The following GRIN3A variants were observed in gnomAD, a reference collection of about 807,000 sequenced individuals.
GRIN3A encodes glutamate ionotropic receptor NMDA type subunit 3A, also known as glutamate receptor ionotropic, NMDA 3A.
GRIN3A carries 47 observed loss-of-function variants against 92.4 expected under a neutral mutation model. That is an observed-to-expected ratio of 0.51 (90% CI 0.40 to 0.65). The LOEUF (loss-of-function observed/expected upper bound fraction) is 0.65. Ranked by LOEUF, GRIN3A falls within the 30% of genes least tolerant of loss-of-function variation. The pLI is 0.00. For missense variants in GRIN3A, 1,324 were observed against 1,393.1 expected, an observed-to-expected ratio of 0.95 and a Z score of 0.79; for synonymous variants, 527 against 540.6, an observed-to-expected ratio of 0.97 and a Z score of 0.35.
rs138060059 is a variant in GRIN3A at position 101,595,174 on chromosome 9, GGGA to G, written c.2767-15817_2767-15815del. 3.2e-3 allele frequency among the ~76,000 whole-genome samples: 482 copies of G among 152,170 alleles called. 1 individual carries two copies. The highest frequency in any genetic ancestry group is 0.011 in the African/African-American group (447 of 41,520). ...TGGGTGCTGTCTGGGCAGGAGTATA[GGGA>G]GGAGAGAATGGAGCCTGGGGGTGCC... On this transcript the variant is annotated intron_variant, in intron 6 of 8. Transcript: ENST00000361820.
chr9:101,581,001 G>A (rs950771349), intron 6 of GRIN3A, among the ~76,000 whole-genome samples: 1 of 152,198 alleles, frequency 6.6e-6, no homozygotes, highest in Non-Finnish European at 1.5e-5. Flanking sequence ...TCAATGACAA[G>A]AGTCAATCCC....
chr9:101,579,835 A>G (rs955559610), intron 6 of GRIN3A, among the ~76,000 whole-genome samples: 3 of 152,172 alleles, frequency 2.0e-5, no homozygotes, highest in African/African-American at 7.2e-5. Flanking sequence ...ATCTAAGGCC[A>G]TAACCAGATT....
At chr9:101,589,704 A>G (rs1192877086) in intron 6 of GRIN3A, among the ~76,000 whole-genome samples, 2 of 152,166 alleles carry the variant, frequency 1.3e-5, no homozygotes, top group Non-Finnish European at 2.9e-5. Flanking sequence ...ATATTTTATT[A>G]TATAAAAGTT....
intron 3 of GRIN3A, among the ~76,000 whole-genome samples, chr9:101,663,109 G>A (rs1038759952): frequency 1.3e-5 from 2 of 151,542 alleles, no homozygotes; most frequent in South Asian, 2.1e-4. Flanking sequence ...GTCTAGCCTC[G>A]GGGATTCTGC....
chr9:101,662,145 C>T (rs1400451463), intron 3 of GRIN3A, among the ~76,000 whole-genome samples: 2 of 151,714 alleles, frequency 1.3e-5, no homozygotes, highest in African/African-American at 4.8e-5. Context: ...AAAGAAAATA[C>T]AAAGTCAGGA....
chr9:101,642,820 TC>T (rs1447097079), intron 3 of GRIN3A, among the ~76,000 whole-genome samples: 2 of 152,100 alleles, frequency 1.3e-5, no homozygotes, highest in Non-Finnish European at 2.9e-5. Context: ...AGCATTAGAT[TC>T]TTATGAGAAT....
rs373177321 is a variant in GRIN3A at position 101,572,905 on chromosome 9, G to T, written c.*269C>A. 2.7e-4 allele frequency: 126 copies of T among 465,124 alleles called. No homozygotes were observed. The Middle Eastern group carries it at 5.9e-3, about 22-fold the overall frequency. The allele number at this position is 465,124 out of a possible 1,614,324, so 28.8% of individuals were successfully genotyped here. ...TGGTGAAAAGGTTAACGGCAGCTGG[G>T]GTTATCTGGTTATTCACAGATCTCT... On this transcript the variant is annotated 3_prime_UTR_variant, in exon 9 of 9. Coordinates refer to ENST00000361820, the MANE Select transcript of GRIN3A (RefSeq NM_133445.3).
intron 2 of GRIN3A, among the ~76,000 whole-genome samples, chr9:101,677,949 G>A (rs1829420660): frequency 6.6e-6 from 1 of 152,080 alleles, no homozygotes; most frequent in Non-Finnish European, 1.5e-5. Flanking sequence ...GGCCCTCAAA[G>A]GCATGGGTTT....
Position 101,670,539 on chromosome 9 carries a change from C to A in GRIN3A, c.1873G>T (p.Ala625Ser), listed in dbSNP as rs770119518. The A allele has an allele frequency of 6.2e-7, 1 of 1,614,034 alleles. No homozygotes were observed. Among genetic ancestry groups the A allele is most frequent in the Non-Finnish European group, 8.5e-7 (1 of 1,179,946 alleles). Residue 625 changes from alanine (A) to serine (S), a missense_variant, in exon 3 of 9, where the codon GCC becomes TCC. Ala to Ser is a moderately conservative substitution (Grantham distance 99). Coordinates refer to ENST00000361820, the MANE Select transcript of GRIN3A (RefSeq NM_133445.3). ...CTAAAGGAAGTGACTGCCATGTGGG[C>A]AGTCCCTCTCAGGAGATCACCCACT... ...GLVGDLLRGT[A>S]HMAVTSFSIN...
At chr9:101,708,531 G>C (rs986739515) in intron 1 of GRIN3A, among the ~76,000 whole-genome samples, 2 of 152,104 alleles carry the variant, frequency 1.3e-5, no homozygotes, top group African/African-American at 4.8e-5. Context: ...TGAGATCAAG[G>C]TCATAGATAT....
chr9:101,738,050 G>T lies in GRIN3A; in HGVS notation c.-71C>A. On this transcript the variant is annotated 5_prime_UTR_variant, in exon 1 of 9. Coordinates refer to ENST00000361820, the MANE Select transcript of GRIN3A (RefSeq NM_133445.3). ...TCGCCCCTCTGCAGCCGCTGCCTGAGGTCTCCGCCTCCAGGTCCCGCGCGC... is the reference window on the plus strand; with the variant it reads ...TCGCCCCTCTGCAGCCGCTGCCTGATGTCTCCGCCTCCAGGTCCCGCGCGC... 1 of 1,314,812 alleles carries T rather than the reference G, an allele frequency of 7.6e-7. No individual in the cohort carries two copies. Among genetic ancestry groups the T allele is most frequent in the Non-Finnish European group, 1.1e-6 (1 of 947,282 alleles). 81.4% of individuals were successfully genotyped at this position (1,314,812 alleles called of 1,614,324 possible).
intron 3 of GRIN3A, among the ~76,000 whole-genome samples, chr9:101,662,035 G>T (rs970300017): frequency 5.4e-5 from 8 of 146,946 alleles, no homozygotes; most frequent in Non-Finnish European, 7.4e-5. Context: ...TGATTTTAAG[G>T]TTACTTATAT....
intron 5 of GRIN3A, among the ~76,000 whole-genome samples, chr9:101,619,801 T>C (rs1026799961): frequency 6.6e-6 from 1 of 152,248 alleles, no homozygotes; most frequent in East Asian, 1.9e-4. Context: ...TGAGCTTTAT[T>C]GTCAGCTAAC....
intron 4 of GRIN3A, among the ~76,000 whole-genome samples, chr9:101,625,821 C>T (rs1685144142): frequency 6.6e-6 from 1 of 152,174 alleles, no homozygotes; most frequent in Non-Finnish European, 1.5e-5. Flanking sequence ...ACCTTGACAG[C>T]TACGTAGCAA....
intron 6 of GRIN3A, chr9:101,595,043 G>C: frequency 8.5e-7 from 1 of 1,181,536 alleles, no homozygotes; most frequent in Non-Finnish European, 1.2e-6. Flanking sequence ...GCTCCCGGGG[G>C]CCCTGGTCGA....
intron 2 of GRIN3A, among the ~76,000 whole-genome samples, chr9:101,676,210 C>T (rs2118961144): frequency 6.6e-6 from 1 of 151,852 alleles, no homozygotes; most frequent in Non-Finnish European, 1.5e-5. Flanking sequence ...ATTTATAGAC[C>T]ATATATTTAT....
intron 7 of GRIN3A, among the ~76,000 whole-genome samples, chr9:101,578,927 T>G (rs1462691829): frequency 6.6e-6 from 1 of 152,160 alleles, no homozygotes; most frequent in East Asian, 1.9e-4. Context: ...CACTATTAAG[T>G]GAAACCTGGT....
At chr9:101,735,582 C>A (rs908889180) in intron 1 of GRIN3A, among the ~76,000 whole-genome samples, 1 of 151,878 alleles carries the variant, frequency 6.6e-6, no homozygotes, top group African/African-American at 2.4e-5. Context: ...TCTTGCCAAA[C>A]AATCTACAAA....
rs775166515 is a variant in GRIN3A, at chr9:101,570,303, A to G, written c.*2871T>C. ...CTTCTTTACCAGAATACCACCCTCT[A>G]TCTGAAGGCTTCTGATCTTTGTGTT... is the stretch of plus-strand genomic sequence containing the variant. On this transcript the variant is annotated 3_prime_UTR_variant, in exon 9 of 9. Coordinates refer to ENST00000361820, the MANE Select transcript of GRIN3A (RefSeq NM_133445.3). 1 of 152,436 alleles carries G rather than the reference A, an allele frequency of 6.6e-6. No individual in the cohort carries two copies. Among genetic ancestry groups the G allele is most frequent in the Non-Finnish European group, 1.5e-5 (1 of 68,008 alleles). The allele number at this position is 152,436 out of a possible 1,614,324, so 9.4% of individuals were successfully genotyped here. A position where few individuals can be genotyped will look rare whatever the true frequency, so the allele number is the denominator to read the frequency against.
Sources: gnomAD v4.1 joint callset for allele counts (sites outside exome capture counted in the v4.1 genomes callset) on GRCh38, gnomAD v4.1.1 for gene constraint, MANE v1.5 for transcripts, NCBI Gene and HGNC (gene_info 2026-07-23, HGNC 2026-07-21) for gene names.